TMEM178A: variants seen among roughly 807,000 people sequenced by gnomAD.
TMEM178A encodes transmembrane protein 178A, also known as transmembrane protein 178.
In TMEM178A, 12 loss-of-function variants were observed where a neutral mutation model predicts 29.1. The observed-to-expected ratio is 0.41, with a 90% CI of 0.26 to 0.67. The LOEUF (loss-of-function observed/expected upper bound fraction) is 0.67, where lower values mean the gene tolerates loss of function less well. Among genes scored for constraint, TMEM178A ranks in the 30% least tolerant of loss-of-function variants. The pLI is 0.29. For missense variants in TMEM178A, 366 were observed against 419.1 expected (o/e 0.87, Z 1.11); for synonymous variants, 210 against 187.2 (o/e 1.12, Z -0.99).
upstream of TMEM178A, chr2:39,665,752 G>T: frequency 2.6e-6 from 1 of 381,256 alleles, no homozygotes. Context: ...GGAGGGCTAG[G>T]AGCCCGGGGG....
intron 1 of TMEM178A, among the ~76,000 whole-genome samples, chr2:39,690,801 G>A (rs1378313542): frequency 6.6e-6 from 1 of 152,180 alleles, no homozygotes; most frequent in Non-Finnish European, 1.5e-5. Context: ...TCTTAAAGAA[G>A]CTCTGTAAAC....
intron 1 of TMEM178A, among the ~76,000 whole-genome samples, chr2:39,667,723 T>C (rs1670233634): frequency 6.6e-6 from 1 of 152,212 alleles, no homozygotes; most frequent in Non-Finnish European, 1.5e-5. Flanking sequence ...ATCCAAAATC[T>C]GTCTGCGTGT....
chr2:39,666,478 C>G, intron 1 of TMEM178A, 104 bp downstream of exon 1: 1 of 978,898 alleles, frequency 1.0e-6, no homozygotes, highest in Non-Finnish European at 1.3e-6. Flanking sequence ...CAGCCGCGGC[C>G]CCGCGCCTGG....
At chr2:39,681,705 A>T (rs1185429553) in intron 1 of TMEM178A, among the ~76,000 whole-genome samples, 4 of 152,244 alleles carry the variant, frequency 2.6e-5, no homozygotes, top group Non-Finnish European at 5.9e-5. Context: ...GAAAACTGAA[A>T]TTACTCTGTA....
the TMEM178A span, among the ~76,000 whole-genome samples, chr2:39,732,935 C>T: frequency 6.6e-6 from 1 of 152,360 alleles, no homozygotes; most frequent in South Asian, 2.1e-4. Flanking sequence ...GCACTAACAT[C>T]TGCAGCTCCT....
At chr2:39,679,559 C>T (rs1670783777) in intron 1 of TMEM178A, among the ~76,000 whole-genome samples, 1 of 151,910 alleles carries the variant, frequency 6.6e-6, no homozygotes, top group African/African-American at 2.4e-5. Flanking sequence ...AGGATTATAT[C>T]ATTATGTAGG....
chr2:39,715,575 T>C (rs989713401), intron 3 of TMEM178A, among the ~76,000 whole-genome samples: 2 of 152,198 alleles, frequency 1.3e-5, no homozygotes, highest in Non-Finnish European at 2.9e-5. Context: ...GAGCAAGAAG[T>C]CAGAAGAAAA....
chr2:39,667,088 TG>T (rs1324254841), intron 1 of TMEM178A, among the ~76,000 whole-genome samples: 1 of 152,332 alleles, frequency 6.6e-6, no homozygotes. Flanking sequence ...CCAACCTTCC[TG>T]AGGACCCCAT....
the TMEM178A span, among the ~76,000 whole-genome samples, chr2:39,735,371 C>T: frequency 2.2e-4 from 34 of 152,274 alleles, no homozygotes; most frequent in African/African-American, 7.9e-4. Context: ...ATAAGGACTA[C>T]AGAAATCTTG....
intron 3 of TMEM178A, among the ~76,000 whole-genome samples, chr2:39,711,448 G>C (rs1672297877): frequency 6.6e-6 from 1 of 151,988 alleles, no homozygotes; most frequent in Non-Finnish European, 1.5e-5. Context: ...CCTTGGTGGG[G>C]GTCTCACTGC....
intron 1 of TMEM178A, among the ~76,000 whole-genome samples, chr2:39,669,516 T>C (rs907847515): frequency 6.6e-6 from 1 of 152,176 alleles, no homozygotes; most frequent in African/African-American, 2.4e-5. Flanking sequence ...TTTGGGAGAA[T>C]CATCAAGTTC....
chr2:39,731,036 A>G, the TMEM178A span, among the ~76,000 whole-genome samples: 17 of 152,222 alleles, frequency 1.1e-4, no homozygotes, highest in African/African-American at 3.1e-4. Context: ...TGGTGAGACA[A>G]GAAATCCCAT....
At chr2:39,704,301 G>T in intron 2 of TMEM178A, 107 bp downstream of exon 2, 1 of 886,522 alleles carries the variant, frequency 1.1e-6, no homozygotes. Flanking sequence ...TATCCTCTGT[G>T]AGCCTCTGGG....
Position 39,708,136 on chromosome 2 carries a change from G to A in TMEM178A, c.652+950G>A, listed in dbSNP as rs191253095. 3.7e-4 allele frequency among the ~76,000 whole-genome samples: 56 copies of A among 152,314 alleles called. 1 individual carries two copies. The highest frequency in any genetic ancestry group is 2.8e-3 in the Admixed American group (43 of 15,302). The stretch of plus-strand genomic sequence containing the variant: ...AAACAGGGTGAAACAGGGACTCAGG[G>A]AAGATCTTGCTGAGGTGGCGATTTC... On this transcript the variant is annotated intron_variant, in intron 3 of 3. Coordinates refer to ENST00000281961, the MANE Select transcript of TMEM178A (RefSeq NM_152390.3).
chr2:39,711,820 A>G (rs944136427), intron 3 of TMEM178A, among the ~76,000 whole-genome samples: 2 of 152,124 alleles, frequency 1.3e-5, no homozygotes, highest in Non-Finnish European at 2.9e-5. Flanking sequence ...AACACGGTGC[A>G]TATATCCTGT....
intron 1 of TMEM178A, among the ~76,000 whole-genome samples, chr2:39,674,893 G>A (rs551046125): frequency 1.3e-4 from 20 of 152,070 alleles, no homozygotes; most frequent in Admixed American, 3.9e-4. Context: ...AAATAAGCAC[G>A]CGTAGAATAA....
downstream of TMEM178A, among the ~76,000 whole-genome samples, chr2:39,720,656 C>T (rs186333041): frequency 8.5e-5 from 13 of 152,330 alleles, no homozygotes; most frequent in Admixed American, 4.6e-4. Context: ...TGCCTTGTCC[C>T]GGTGCTCAGC....
chr2:39,686,552 GT>G (rs1410957837), intron 1 of TMEM178A, among the ~76,000 whole-genome samples: 3 of 152,120 alleles, frequency 2.0e-5, no homozygotes, highest in Non-Finnish European at 4.4e-5. Context: ...CAGCTGGAAT[GT>G]TTTCCCCTTG....
At chr2:39,709,720 A>C (rs1289883076) in intron 3 of TMEM178A, among the ~76,000 whole-genome samples, 1 of 152,138 alleles carries the variant, frequency 6.6e-6, no homozygotes, top group Non-Finnish European at 1.5e-5. Context: ...AATATCAAAG[A>C]GGTACAGATG....
Sources: gnomAD v4.1 joint callset for allele counts (sites outside exome capture counted in the v4.1 genomes callset) on GRCh38, gnomAD v4.1.1 for gene constraint, MANE v1.5 for transcripts, NCBI Gene and HGNC (gene_info 2026-07-23, HGNC 2026-07-21) for gene names.